Variants in CNTNAP4 observed in about 807,000 individuals in gnomAD.
The protein encoded by CNTNAP4 is contactin-associated protein-like 4.
CNTNAP4 carries 98 observed loss-of-function variants against 148.4 expected under a neutral mutation model. The ratio of observed to expected loss-of-function variants is 0.66; its 90% CI spans 0.56 to 0.78. The LOEUF is 0.78. CNTNAP4 is among the 30% of genes least tolerant of loss of function. The pLI is 0.00. For missense variants in CNTNAP4, 1,935 were observed against 1,565.6 expected, an observed-to-expected ratio of 1.24 and a Z score of -3.98; for synonymous variants, 730 against 565.1, an observed-to-expected ratio of 1.29 and a Z score of -4.14.
At chr16:76,368,359 T>C (rs138424019) in intron 3 of CNTNAP4, among the ~76,000 whole-genome samples, 7 of 152,330 alleles carry the variant, frequency 4.6e-5, no homozygotes, top group African/African-American at 1.7e-4. Flanking sequence ...TATTCTACTA[T>C]AAAGATACAT....
At chr16:76,441,164 G>A (rs1010337424) in intron 4 of CNTNAP4, among the ~76,000 whole-genome samples, 2 of 152,064 alleles carry the variant, frequency 1.3e-5, no homozygotes, top group Admixed American at 6.6e-5. Flanking sequence ...ATGAATAATT[G>A]CATCTCAGGG....
intron 15 of CNTNAP4, among the ~76,000 whole-genome samples, chr16:76,517,305 C>A (rs1258764901): frequency 6.6e-6 from 1 of 152,134 alleles, no homozygotes; most frequent in African/African-American, 2.4e-5. Context: ...GTGTCACTAT[C>A]CTGGTTTTGA....
rs1283736031 is a variant in CNTNAP4, at chr16:76,559,203, A to G, written c.*520A>G. 6.6e-6 allele frequency: 1 copy of G among 152,230 alleles called. No homozygotes were observed. Among genetic ancestry groups the G allele is most frequent in the African/African-American group, 2.4e-5 (1 of 41,436 alleles). The allele number at this position is 152,230 out of a possible 1,614,324, so 9.4% of individuals were successfully genotyped here. On this transcript the variant is annotated 3_prime_UTR_variant, in exon 24 of 24. Transcript: ENST00000611870. Reference sequence around the variant, plus strand: ...AAGCCCCTTTGCCTTTCTCTGTATTATATTCAATACAATACATCAATAGTC... The same window carrying G: ...AAGCCCCTTTGCCTTTCTCTGTATTGTATTCAATACAATACATCAATAGTC...
chr16:76,405,366 A>G (rs2078566886), intron 3 of CNTNAP4, among the ~76,000 whole-genome samples: 1 of 152,180 alleles, frequency 6.6e-6, no homozygotes, highest in Admixed American at 6.6e-5. Context: ...TCAATTTCTA[A>G]ATAAATTTTA....
chr16:76,308,046 T>G (rs1960683524), intron 1 of CNTNAP4, among the ~76,000 whole-genome samples: 1 of 152,222 alleles, frequency 6.6e-6, no homozygotes, highest in Non-Finnish European at 1.5e-5. Flanking sequence ...TACTTGACAA[T>G]TAGAAAATTA....
At chr16:76,409,821 A>G (rs531632709) in intron 3 of CNTNAP4, among the ~76,000 whole-genome samples, 22 of 152,028 alleles carry the variant, frequency 1.4e-4, no homozygotes, top group African/African-American at 5.3e-4. Context: ...TGTTAAACTC[A>G]AGTAATGAGA....
intron 13 of CNTNAP4, among the ~76,000 whole-genome samples, chr16:76,493,782 C>G (rs1054454382): frequency 2.6e-5 from 4 of 152,140 alleles, no homozygotes; most frequent in African/African-American, 4.8e-5. Context: ...TCTAATAACT[C>G]TTTGCTGGTT....
chr16:76,328,231 A>G (rs921179816), intron 2 of CNTNAP4, among the ~76,000 whole-genome samples: 1 of 152,208 alleles, frequency 6.6e-6, no homozygotes, highest in Non-Finnish European at 1.5e-5. Flanking sequence ...TCAGTGATAA[A>G]TTATATTGAT....
At chr16:76,521,513 G>A (rs1316508151) in intron 16 of CNTNAP4, among the ~76,000 whole-genome samples, 2 of 151,924 alleles carry the variant, frequency 1.3e-5, no homozygotes, top group Non-Finnish European at 2.9e-5. Context: ...GGAAATAACT[G>A]GTAGTTTCTT....
intron 4 of CNTNAP4, among the ~76,000 whole-genome samples, chr16:76,430,743 T>C (rs2079577298): frequency 6.6e-6 from 1 of 152,104 alleles, no homozygotes; most frequent in Non-Finnish European, 1.5e-5. Flanking sequence ...TTCACTCAAG[T>C]GTAGCACACC....
chr16:76,416,894 G>C (rs2079005979), intron 3 of CNTNAP4, among the ~76,000 whole-genome samples: 1 of 151,372 alleles, frequency 6.6e-6, no homozygotes, highest in Admixed American at 6.6e-5. Context: ...TCTGTTGTTA[G>C]TTGTCTACAC....
intron 2 of CNTNAP4, among the ~76,000 whole-genome samples, chr16:76,338,650 C>G (rs1413512022): frequency 6.6e-6 from 1 of 152,148 alleles, no homozygotes. Context: ...TGCTGTCTTA[C>G]TCTTTTATAA....
At chr16:76,510,837 A>C (rs987757220) in intron 15 of CNTNAP4, among the ~76,000 whole-genome samples, 1 of 152,118 alleles carries the variant, frequency 6.6e-6, no homozygotes, top group Non-Finnish European at 1.5e-5. Flanking sequence ...TCTTTCTCTC[A>C]GGAATCTATG....
At chr16:76,294,977 T>C (rs1209587498) in intron 1 of CNTNAP4, among the ~76,000 whole-genome samples, 1 of 152,166 alleles carries the variant, frequency 6.6e-6, no homozygotes, top group Non-Finnish European at 1.5e-5. Context: ...TTTAAGGTGC[T>C]TATAGGGGGG....
intron 3 of CNTNAP4, among the ~76,000 whole-genome samples, chr16:76,380,902 A>G (rs953166613): frequency 2.0e-5 from 3 of 152,176 alleles, no homozygotes; most frequent in African/African-American, 7.2e-5. Flanking sequence ...ATTATGACCT[A>G]TCATGAACTC....
chr16:76,435,443 C>T (rs566991934), intron 4 of CNTNAP4, among the ~76,000 whole-genome samples: 1 of 152,244 alleles, frequency 6.6e-6, no homozygotes, highest in Non-Finnish European at 1.5e-5. Flanking sequence ...AGTGCCACCA[C>T]TTGGTTCCTG....
chr16:76,430,622 C>T (rs566855326), intron 4 of CNTNAP4, among the ~76,000 whole-genome samples: 279 of 152,166 alleles, frequency 1.8e-3, no homozygotes, highest in Non-Finnish European at 3.3e-3. Context: ...GTAGGTTTCC[C>T]CTGAGCTTGA....
At chr16:76,455,690 C>T (rs760631795) in intron 8 of CNTNAP4, among the ~76,000 whole-genome samples, 43 of 152,208 alleles carry the variant, frequency 2.8e-4, no homozygotes, top group African/African-American at 5.8e-4. Flanking sequence ...CACTTCAGTG[C>T]GCTGAAATAC....
At chr16:76,277,922 G>A (rs548626296) in intron 1 of CNTNAP4, among the ~76,000 whole-genome samples, 175 bp downstream of exon 1, 2 of 152,226 alleles carry the variant, frequency 1.3e-5, no homozygotes, top group Non-Finnish European at 2.9e-5. Context: ...CTCTCCTCTT[G>A]GTCTGGTCAA....
Sources: gnomAD v4.1 joint callset for allele counts (sites outside exome capture counted in the v4.1 genomes callset) on GRCh38, gnomAD v4.1.1 for gene constraint, MANE v1.5 for transcripts, NCBI Gene and HGNC (gene_info 2026-07-23, HGNC 2026-07-21) for gene names.